The following BCKDHB variants were observed in gnomAD, a reference collection of about 807,000 sequenced individuals.
BCKDHB encodes the protein 2-oxoisovalerate dehydrogenase subunit beta, mitochondrial.
A neutral mutation model predicts 48.5 loss-of-function variants in BCKDHB; 41 were observed. The ratio of observed to expected loss-of-function variants is 0.85; its 90% CI spans 0.66 to 1.10. The LOEUF is 1.10. Ranked by LOEUF, BCKDHB falls within the 50% of genes least tolerant of loss-of-function variation. The pLI, the probability that BCKDHB is intolerant of heterozygous loss-of-function variation, is 0.00. For synonymous variants in BCKDHB, 201 were observed against 174.8 expected (o/e 1.15, Z -1.18); for missense variants, 496 against 494.2 (o/e 1.00, Z -0.03).
intron 6 of BCKDHB, among the ~76,000 whole-genome samples, chr6:80,191,559 C>T (rs77788645): frequency 0.019 from 2,949 of 152,240 alleles, 94 homozygotes; most frequent in African/African-American, 0.067. Context: ...CCCTTCCCCC[C>T]CTCATGTTTT....
At chr6:80,151,089 C>G (rs1258321332) in intron 3 of BCKDHB, among the ~76,000 whole-genome samples, 1 of 152,172 alleles carries the variant, frequency 6.6e-6, no homozygotes, top group African/African-American at 2.4e-5. Context: ...TATGGGCCAA[C>G]TGTGTTTTCT....
In BCKDHB at chr6:80,113,453, C is replaced by T. The variant is rs982946712; in HGVS notation, c.196+6564C>T. ...GTCAGGTGCTTCCACATAGAAAACT[C>T]TTGGTTTCACTGGAGTGTGGCCCCG... On this transcript the variant is annotated intron_variant, in intron 1 of 9. Transcript: ENST00000320393. 1.1e-3 allele frequency among the ~76,000 whole-genome samples: 161 copies of T among 152,360 alleles called. 1 individual carries two copies. The highest frequency in any genetic ancestry group is 3.7e-3 in the African/African-American group (153 of 41,584).
At chr6:80,153,349 C>T (rs948424680) in intron 3 of BCKDHB, among the ~76,000 whole-genome samples, 5 of 152,126 alleles carry the variant, frequency 3.3e-5, no homozygotes, top group Admixed American at 3.3e-4. Flanking sequence ...TTCCCCACCC[C>T]ACCCTTCATC....
the BCKDHB span, among the ~76,000 whole-genome samples, chr6:80,422,992 G>A: frequency 6.6e-6 from 1 of 152,148 alleles, no homozygotes; most frequent in Non-Finnish European, 1.5e-5. Context: ...TTTTTGAGGG[G>A]TTAGGCGTGG....
intron 9 of BCKDHB, among the ~76,000 whole-genome samples, chr6:80,287,091 C>G (rs548938752): frequency 3.3e-5 from 5 of 152,204 alleles, no homozygotes; most frequent in Non-Finnish European, 7.4e-5. Flanking sequence ...TGTTGTTGAT[C>G]CAACTGTTAA....
chr6:80,247,810 G>A (rs181780324), intron 8 of BCKDHB, among the ~76,000 whole-genome samples: 128 of 152,280 alleles, frequency 8.4e-4, no homozygotes, highest in African/African-American at 3.0e-3. Flanking sequence ...GCTGCTAATG[G>A]CCACGTTAGT....
chr6:80,321,212 T>A (rs544875451), intron 9 of BCKDHB, among the ~76,000 whole-genome samples: 1 of 152,310 alleles, frequency 6.6e-6, no homozygotes, highest in East Asian at 1.9e-4. Context: ...ATTAGTGATG[T>A]CTGCCTTGGG....
the BCKDHB span, among the ~76,000 whole-genome samples, chr6:80,464,899 T>C: frequency 6.6e-6 from 1 of 152,224 alleles, no homozygotes; most frequent in African/African-American, 2.4e-5. Context: ...CTCCATTGGC[T>C]TCTTCACAAA....
At chr6:80,148,814 T>C (rs932786510) in intron 3 of BCKDHB, among the ~76,000 whole-genome samples, 5 of 152,166 alleles carry the variant, frequency 3.3e-5, no homozygotes, top group Admixed American at 1.3e-4. Context: ...ATACAAAAAT[T>C]AATTCAAGAT....
At chr6:80,461,144 A>G in the BCKDHB span, among the ~76,000 whole-genome samples, 1 of 152,144 alleles carries the variant, frequency 6.6e-6, no homozygotes, top group African/African-American at 2.4e-5. Context: ...TATTTCCAAC[A>G]CCTCACTAGA....
intron 3 of BCKDHB, among the ~76,000 whole-genome samples, chr6:80,158,906 G>C (rs1283187362): frequency 6.6e-6 from 1 of 152,208 alleles, no homozygotes; most frequent in Non-Finnish European, 1.5e-5. Flanking sequence ...GCAGTAAACT[G>C]TGACGATTAC....
intron 9 of BCKDHB, among the ~76,000 whole-genome samples, chr6:80,315,424 A>G (rs1401484939): frequency 6.6e-6 from 1 of 151,862 alleles, no homozygotes; most frequent in Non-Finnish European, 1.5e-5. Flanking sequence ...CCATCACCTC[A>G]CCATACTTTT....
chr6:80,434,657 C>T, the BCKDHB span, among the ~76,000 whole-genome samples: 10 of 151,990 alleles, frequency 6.6e-5, no homozygotes, highest in Non-Finnish European at 8.8e-5. Flanking sequence ...TCTTTTTCAG[C>T]TTTCTTAGGG....
chr6:80,358,458 A>G, the BCKDHB span, among the ~76,000 whole-genome samples: 5 of 151,848 alleles, frequency 3.3e-5, no homozygotes, highest in South Asian at 2.1e-4. Flanking sequence ...ATGTATGGTG[A>G]TTGTCGATTG....
intron 3 of BCKDHB, among the ~76,000 whole-genome samples, chr6:80,134,743 TTTTATTTA>T (rs369623862): frequency 2.0e-5 from 3 of 151,072 alleles, no homozygotes; most frequent in African/African-American, 4.9e-5. Flanking sequence ...TTTTGTTTTA[TTTTATTTA>T]TTTATTTATT....
intron 9 of BCKDHB, among the ~76,000 whole-genome samples, chr6:80,298,195 C>T (rs1048381084): frequency 1.3e-5 from 2 of 152,148 alleles, no homozygotes; most frequent in Non-Finnish European, 2.9e-5. Flanking sequence ...TCACTGCAAC[C>T]TCTGCCTCCT....
chr6:80,212,251 C>T (rs896541491), intron 8 of BCKDHB, among the ~76,000 whole-genome samples: 6 of 152,156 alleles, frequency 3.9e-5, no homozygotes, highest in Admixed American at 2.0e-4. Context: ...TGCAGGAGAC[C>T]AGGGCGTATC....
chr6:80,177,225 CAAAAAAA>C (rs575991853), intron 6 of BCKDHB, among the ~76,000 whole-genome samples: 9 of 43,156 alleles, frequency 2.1e-4, no homozygotes, highest in East Asian at 6.2e-4. Context: ...GACCTTGTCT[CAAAAAAA>C]AAAAAAAAAA....
intron 8 of BCKDHB, among the ~76,000 whole-genome samples, chr6:80,212,578 A>G (rs1436808094): frequency 1.3e-5 from 2 of 152,210 alleles, no homozygotes; most frequent in African/African-American, 4.8e-5. Context: ...CAATTTATAC[A>G]GTTAACATAA....
Sources: gnomAD v4.1 joint callset for allele counts (sites outside exome capture counted in the v4.1 genomes callset) on GRCh38, gnomAD v4.1.1 for gene constraint, MANE v1.5 for transcripts, NCBI Gene and HGNC (gene_info 2026-07-23, HGNC 2026-07-21) for gene names.